Variants in KCTD1 observed in about 807,000 individuals in gnomAD.
KCTD1 encodes the protein potassium channel tetramerization domain containing 1.
Under a neutral mutation model 66.0 loss-of-function variants are expected in KCTD1, and 24 were observed. That is an observed-to-expected ratio of 0.36 (90% CI 0.26 to 0.51). The LOEUF is 0.51. Ranked by LOEUF, KCTD1 falls within the 20% of genes least tolerant of loss-of-function variation. The pLI is 0.95. For missense variants in KCTD1, 943 were observed against 1,205.2 expected, an observed-to-expected ratio of 0.78 and a Z score of 3.22; for synonymous variants, 511 against 517.2, an observed-to-expected ratio of 0.99 and a Z score of 0.16.
chr18:26,626,596 C>A (rs1330488802), intron 1 of KCTD1, among the ~76,000 whole-genome samples: 1 of 151,588 alleles, frequency 6.6e-6, no homozygotes, highest in Non-Finnish European at 1.5e-5. Flanking sequence ...TACCTCAGCT[C>A]CTGAGGGGCT....
At chr18:26,623,986 G>C (rs903341382) in intron 1 of KCTD1, among the ~76,000 whole-genome samples, 3 of 152,218 alleles carry the variant, frequency 2.0e-5, no homozygotes, top group African/African-American at 7.2e-5. Context: ...GTCTCAAATG[G>C]AGATGAGGAA....
At chr18:26,456,139 C>A in intron 4 of KCTD1, 1 of 454,282 alleles carries the variant, frequency 2.2e-6, no homozygotes. Context: ...CTACAACACT[C>A]GATGGTGTTA....
chr18:26,478,335 G>C (rs1322396078), intron 2 of KCTD1, among the ~76,000 whole-genome samples: 1 of 152,168 alleles, frequency 6.6e-6, no homozygotes. Context: ...CAGCATTGGG[G>C]TATTTGTGCA....
intron 1 of KCTD1, among the ~76,000 whole-genome samples, chr18:26,568,962 G>A (rs959063685): frequency 6.6e-6 from 1 of 152,114 alleles, no homozygotes; most frequent in Non-Finnish European, 1.5e-5. Context: ...AAGAGGAAGG[G>A]ACAGGAATTA....
chr18:26,579,758 A>G (rs1307510630), intron 1 of KCTD1, among the ~76,000 whole-genome samples: 1 of 152,220 alleles, frequency 6.6e-6, no homozygotes, highest in Non-Finnish European at 1.5e-5. Flanking sequence ...CCTGGGAACA[A>G]TAAGTGGCAT....
chr18:26,607,722 T>G (rs964895287), intron 1 of KCTD1, among the ~76,000 whole-genome samples: 1 of 152,214 alleles, frequency 6.6e-6, no homozygotes, highest in African/African-American at 2.4e-5. Flanking sequence ...TTTCCCGTAT[T>G]GAACAGTCAT....
chr18:26,523,673 C>T (rs1233346182), intron 1 of KCTD1, among the ~76,000 whole-genome samples: 2 of 152,140 alleles, frequency 1.3e-5, no homozygotes, highest in African/African-American at 2.4e-5. Context: ...AAAATCCAAA[C>T]CATCATAACA....
chr18:26,594,664 G>T (rs1169499742), intron 1 of KCTD1, among the ~76,000 whole-genome samples: 1 of 152,158 alleles, frequency 6.6e-6, no homozygotes, highest in African/African-American at 2.4e-5. Flanking sequence ...CAGCTAGGCT[G>T]CGGTGCCCAA....
At chr18:26,564,710 T>TG (rs1182866956) in intron 1 of KCTD1, among the ~76,000 whole-genome samples, 1 of 152,014 alleles carries the variant, frequency 6.6e-6, no homozygotes, top group East Asian at 1.9e-4. Context: ...ATCGACATGG[T>TG]GAAACCCTGT....
At chr18:26,586,110 C>T (rs2144933775) in intron 1 of KCTD1, among the ~76,000 whole-genome samples, 1 of 152,288 alleles carries the variant, frequency 6.6e-6, no homozygotes, top group Non-Finnish European at 1.5e-5. Flanking sequence ...TATAGCAATT[C>T]AAAGATACTG....
chr18:26,603,751 A>T (rs201807720), intron 1 of KCTD1, among the ~76,000 whole-genome samples: 2 of 146,766 alleles, frequency 1.4e-5, no homozygotes, highest in Non-Finnish European at 3.0e-5. Flanking sequence ...TCAAAAAAAT[A>T]AAATAAATAA....
At chr18:26,599,542 C>T (rs1190380327) in intron 1 of KCTD1, 2 of 1,533,610 alleles carry the variant, frequency 1.3e-6, no homozygotes, top group African/African-American at 2.7e-5. Flanking sequence ...CTGTGGAAAA[C>T]ATGAACCAGC....
At position 26,455,432 on chromosome 18, in the gene KCTD1, C is replaced by T. The variant is rs1381840178; in HGVS notation, c.*311G>A. The T allele has an allele frequency of 3.0e-5, 5 of 167,068 alleles. No homozygotes were observed. The highest frequency in any genetic ancestry group is 5.0e-5 in the Non-Finnish European group (4 of 79,484). The allele number at this position is 167,068 out of a possible 1,614,324, so 10.3% of individuals were successfully genotyped here. ...TGGCTTGTTTATTTGTCAGAGGCCT[C>T]GGAAGGCCCAGGACACTTCACGGCC... On this transcript the variant is annotated 3_prime_UTR_variant, in exon 5 of 5. Coordinates refer to ENST00000580059, the MANE Select transcript of KCTD1 (RefSeq NM_001142730.3).
chr18:26,629,273 C>CA (rs1439773246), upstream of KCTD1: 3 of 926,512 alleles, frequency 3.2e-6, no homozygotes, highest in Non-Finnish European at 3.9e-6. Context: ...TGGGCCAGCC[C>CA]ATGACCTTAG....
At chr18:26,635,320 A>C (rs1428589190) in intron 1 of KCTD1, among the ~76,000 whole-genome samples, 1 of 152,202 alleles carries the variant, frequency 6.6e-6, no homozygotes, top group Non-Finnish European at 1.5e-5. Flanking sequence ...CACTGTGCCC[A>C]CAGGACTAGG....
intron 1 of KCTD1, chr18:26,581,517 C>A (rs78179780): frequency 0.058 from 8,830 of 152,492 alleles, 276 homozygotes; most frequent in Admixed American, 0.076. Context: ...CTCAGCCTCC[C>A]AAAGTGCTAG....
At chr18:26,548,676 T>G (rs1985401212), upstream of KCTD1, 12 of 860,556 alleles carry the variant, frequency 1.4e-5, no homozygotes, top group East Asian at 9.7e-5. Context: ...CAATTGTCAT[T>G]CCCGAGCGCA....
chr18:26,459,939 AG>A lies in KCTD1; in HGVS notation c.2134-15del. 6.5e-7 allele frequency: 1 copy of A among 1,544,626 alleles called. No individual in the cohort carries two copies. The highest frequency in any genetic ancestry group is 8.7e-7 in the Non-Finnish European group (1 of 1,144,996). On this transcript the variant is annotated splice_polypyrimidine_tract_variant and intron_variant, in intron 3 of 4. Transcript: ENST00000580059. ...CAAAGTGTAGTCCTGGAAAAAAAAA[AG>A]GTATTTCACAGTGCAAACTGCAAAC...
chr18:26,630,008 G>A (rs1294390000), upstream of KCTD1, among the ~76,000 whole-genome samples: 1 of 152,162 alleles, frequency 6.6e-6, no homozygotes, highest in Admixed American at 6.5e-5. Context: ...GGTTCCTGAG[G>A]TATAGCCCAC....
Sources: gnomAD v4.1 joint callset for allele counts (sites outside exome capture counted in the v4.1 genomes callset) on GRCh38, gnomAD v4.1.1 for gene constraint, MANE v1.5 for transcripts, NCBI Gene and HGNC (gene_info 2026-07-23, HGNC 2026-07-21) for gene names.